Variants in HIVEP3 observed in about 807,000 individuals in gnomAD.
The protein encoded by HIVEP3 is transcription factor HIVEP3.
Under a neutral mutation model 152.8 loss-of-function variants are expected in HIVEP3, and 49 were observed. The ratio of observed to expected loss-of-function variants is 0.32; its 90% CI spans 0.26 to 0.41. The LOEUF (loss-of-function observed/expected upper bound fraction) is 0.41. HIVEP3 is among the 10% of genes least tolerant of loss of function. The pLI, the probability that HIVEP3 is intolerant of heterozygous loss-of-function variation, is 1.00. For missense variants in HIVEP3, 2,790 were observed against 3,103.3 expected (o/e 0.90, Z 2.40); for synonymous variants, 1,269 against 1,289.0 (o/e 0.98, Z 0.33).
At chr1:41,799,618 C>T (rs774792764) in intron 1 of HIVEP3, among the ~76,000 whole-genome samples, 1 of 152,194 alleles carries the variant, frequency 6.6e-6, no homozygotes, top group Non-Finnish European at 1.5e-5. Flanking sequence ...TCTTCAGCTC[C>T]TATCAATCCC....
At chr1:41,721,608 T>C (rs1646675276) in intron 1 of HIVEP3, among the ~76,000 whole-genome samples, 1 of 152,226 alleles carries the variant, frequency 6.6e-6, no homozygotes, top group Non-Finnish European at 1.5e-5. Context: ...ATAATCTGGA[T>C]CCTGCATCAG....
At chr1:41,627,561 C>T (rs1484069016) in intron 3 of HIVEP3, among the ~76,000 whole-genome samples, 1 of 152,192 alleles carries the variant, frequency 6.6e-6, no homozygotes, top group East Asian at 1.9e-4. Flanking sequence ...GACACAGGCT[C>T]TAGCCACCCC....
rs545977147 is a variant in HIVEP3, at chr1:41,585,178, G to T, written c.-381C>A. 1 of 399,316 alleles carries T rather than the reference G, an allele frequency of 2.5e-6. No homozygotes were observed. The highest frequency in any genetic ancestry group is 4.4e-6 in the Non-Finnish European group (1 of 226,426). The allele number at this position is 399,316 out of a possible 1,614,324, so 24.7% of individuals were successfully genotyped here. A position where few individuals can be genotyped will look rare whatever the true frequency, so the allele number is the denominator to read the frequency against. On this transcript the variant is annotated 5_prime_UTR_variant, in exon 4 of 9. Transcript: ENST00000372583. ...CCGTGTGCTATGCAAACGGTTGAAG[G>T]TTGGAGACATCTGTGTCCATGGCCC...
intron 1 of HIVEP3, among the ~76,000 whole-genome samples, chr1:41,854,936 T>A (rs1643716727): frequency 2.7e-5 from 1 of 37,312 alleles, no homozygotes; most frequent in Non-Finnish European, 4.9e-5. Context: ...GTTGGACATT[T>A]GGGTTGGTTC....
chr1:42,006,987 C>T (rs895511209), intron 1 of HIVEP3, among the ~76,000 whole-genome samples: 4 of 152,218 alleles, frequency 2.6e-5, no homozygotes, highest in African/African-American at 9.6e-5. Context: ...GGCAGCATAA[C>T]TTAGGCTAAC....
At chr1:41,586,489 C>T (rs1644508177) in intron 3 of HIVEP3, among the ~76,000 whole-genome samples, 2 of 147,050 alleles carry the variant, frequency 1.4e-5, no homozygotes, top group African/African-American at 4.9e-5. Context: ...CCTGGCATCC[C>T]TTGGCGAGGC....
intron 1 of HIVEP3, among the ~76,000 whole-genome samples, chr1:41,945,133 T>G (rs1311119043): frequency 1.3e-5 from 2 of 152,154 alleles, no homozygotes; most frequent in Non-Finnish European, 2.9e-5. Flanking sequence ...GTAAAAAGTG[T>G]GATTTATGCC....
chr1:41,881,757 G>A (rs1644265254), intron 1 of HIVEP3, among the ~76,000 whole-genome samples: 3 of 152,068 alleles, frequency 2.0e-5, no homozygotes, highest in Admixed American at 2.0e-4. Flanking sequence ...CTGAAACTAC[G>A]GTATTAAACA....
intron 2 of HIVEP3, among the ~76,000 whole-genome samples, chr1:41,679,944 ACTTTG>A (rs1646013234): frequency 6.6e-6 from 1 of 152,212 alleles, no homozygotes; most frequent in Non-Finnish European, 1.5e-5. Context: ...CTTCAGGTCC[ACTTTG>A]CTAAGGGTCT....
At chr1:41,772,372 A>G (rs1472436913) in intron 1 of HIVEP3, among the ~76,000 whole-genome samples, 1 of 152,186 alleles carries the variant, frequency 6.6e-6, no homozygotes, top group Non-Finnish European at 1.5e-5. Flanking sequence ...TGACAGGCAC[A>G]TTTCCACACA....
At chr1:41,589,813 T>TAC (rs140333180) in intron 3 of HIVEP3, among the ~76,000 whole-genome samples, 3 of 152,088 alleles carry the variant, frequency 2.0e-5, no homozygotes, top group African/African-American at 7.2e-5. Context: ...GTAATTTACT[T>TAC]ACACACACAC....
At chr1:41,723,644 T>C (rs1293303508) in intron 1 of HIVEP3, among the ~76,000 whole-genome samples, 1 of 152,146 alleles carries the variant, frequency 6.6e-6, no homozygotes, top group East Asian at 1.9e-4. Flanking sequence ...TGAGCACTCA[T>C]TAGCAGTCAA....
At chr1:41,836,902 G>T (rs1435365445) in intron 1 of HIVEP3, among the ~76,000 whole-genome samples, 1 of 152,144 alleles carries the variant, frequency 6.6e-6, no homozygotes. Context: ...CTATTGAAGT[G>T]GCACATCATG....
chr1:41,865,861 T>C (rs1396190621), intron 1 of HIVEP3, among the ~76,000 whole-genome samples: 3 of 152,132 alleles, frequency 2.0e-5, no homozygotes, highest in Non-Finnish European at 4.4e-5. Flanking sequence ...ACACGTAGCT[T>C]TGGGATTTGG....
rs76450838 is a variant in HIVEP3 at position 41,657,704 on chromosome 1, G to A, written c.-720-28757C>T. Among the ~76,000 whole-genome samples the A allele has an allele frequency of 5.1e-4, 77 of 152,348 alleles. 7 individuals carry two copies. In the East Asian group the frequency reaches 0.015, roughly 29 times the overall value. On this transcript the variant is annotated intron_variant, in intron 2 of 8. Transcript: ENST00000372583. ...TAAGTGTGAGCATTCCCACATCACA[G>A]ATCAGGAAGCTGAGGTTTAGGAGAG... is the stretch of plus-strand genomic sequence containing the variant.
At chr1:41,936,243 A>G (rs1557529738) in intron 1 of HIVEP3, among the ~76,000 whole-genome samples, 1 of 152,206 alleles carries the variant, frequency 6.6e-6, no homozygotes, top group Non-Finnish European at 1.5e-5. Flanking sequence ...CAAGATGCAC[A>G]CAGAAAATCA....
chr1:41,833,668 C>G (rs1193769931), intron 1 of HIVEP3, among the ~76,000 whole-genome samples: 2 of 152,102 alleles, frequency 1.3e-5, no homozygotes, highest in Non-Finnish European at 2.9e-5. Flanking sequence ...GGCTCCAGAG[C>G]CTCTCCTGAA....
At chr1:41,904,527 G>A (rs779500727) in intron 1 of HIVEP3, among the ~76,000 whole-genome samples, 17 of 152,150 alleles carry the variant, frequency 1.1e-4, no homozygotes, top group African/African-American at 2.2e-4. Flanking sequence ...CATGGAAGGT[G>A]CTTACCGCCA....
At chr1:41,757,409 G>A (rs2124236705) in intron 1 of HIVEP3, among the ~76,000 whole-genome samples, 1 of 151,488 alleles carries the variant, frequency 6.6e-6, no homozygotes, top group African/African-American at 2.4e-5. Flanking sequence ...GAGCCACCGT[G>A]CCCGGCCCAA....
Sources: gnomAD v4.1 joint callset for allele counts (sites outside exome capture counted in the v4.1 genomes callset) on GRCh38, gnomAD v4.1.1 for gene constraint, MANE v1.5 for transcripts, NCBI Gene and HGNC (gene_info 2026-07-23, HGNC 2026-07-21) for gene names.